FBXL16: variants seen among roughly 807,000 people sequenced by gnomAD.
FBXL16 encodes the protein F-box/LRR-repeat protein 16.
Under a neutral mutation model 36.7 loss-of-function variants are expected in FBXL16, and 7 were observed. The ratio of observed to expected loss-of-function variants is 0.19; its 90% CI spans 0.11 to 0.36. FBXL16 has a LOEUF of 0.36. FBXL16 is among the 10% of genes least tolerant of loss of function. The probability of loss-of-function intolerance (pLI) is 1.00; values close to 1 mark genes in which losing one functional copy is unlikely to be tolerated. For synonymous variants in FBXL16, 355 were observed against 308.7 expected, an observed-to-expected ratio of 1.15 and a Z score of -1.57; for missense variants, 463 against 659.4, an observed-to-expected ratio of 0.70 and a Z score of 3.26.
intron 2 of FBXL16, 173 bp from the exon 3 acceptor site, chr16:696,096 G>A (rs1396547020): frequency 1.4e-5 from 13 of 957,164 alleles, no homozygotes; most frequent in Non-Finnish European, 1.9e-5. Context: ...AGGTGCTGGG[G>A]GCGTTGGCAC....
chr16:698,915 A>G (rs2040035805), intron 1 of FBXL16, among the ~76,000 whole-genome samples: 1 of 125,160 alleles, frequency 8.0e-6, no homozygotes, highest in African/African-American at 3.3e-5. Flanking sequence ...CTTTGTCTCA[A>G]AAAAAAAAAA....
intron 2 of FBXL16, 44 bp downstream of exon 2, chr16:696,729 C>G: frequency 2.7e-6 from 4 of 1,471,062 alleles, no homozygotes; most frequent in Non-Finnish European, 3.6e-6. Context: ...TGCTGCTGCC[C>G]GCCCCTGCCC....
At position 697,432 on chromosome 16, in the gene FBXL16, G is replaced by A. The variant is rs1189981402; in HGVS notation, c.-14-13C>T. On this transcript the variant is annotated splice_polypyrimidine_tract_variant and intron_variant, in intron 1 of 5. Transcript: ENST00000397621. The surrounding 1 kb of genome is among the most constrained non-coding windows in gnomAD (Gnocchi z 4.6). Reference sequence around the variant, plus strand: ...TTCCTGGCACGCTCTGTGGATGAGGGCCGGGAGGGGGAGTGAGTCTGTTGC... The same window carrying A: ...TTCCTGGCACGCTCTGTGGATGAGGACCGGGAGGGGGAGTGAGTCTGTTGC... The A allele has an allele frequency of 3.3e-6, 5 of 1,518,570 alleles. No homozygotes were observed. The highest frequency in any genetic ancestry group is 1.4e-5 in the African/African-American group (1 of 72,610). The allele number at this position is 1,518,570 out of a possible 1,614,324, so 94.1% of individuals were successfully genotyped here.
chr16:704,980 G>A (rs572412637), intron 1 of FBXL16, among the ~76,000 whole-genome samples: 31 of 152,338 alleles, frequency 2.0e-4, no homozygotes, highest in African/African-American at 7.0e-4. Context: ...CCTTGGCCAA[G>A]GCCCGGTCCC....
chr16:695,380 C>T, intron 3 of FBXL16, 35 bp downstream of exon 3: 1 of 1,455,954 alleles, frequency 6.9e-7, no homozygotes. Flanking sequence ...CCCCGCCCGG[C>T]CCAGCCCCGC....
intron 2 of FBXL16, 106 bp downstream of exon 2, chr16:696,667 T>A: frequency 2.2e-6 from 1 of 463,636 alleles, no homozygotes; most frequent in South Asian, 8.2e-5. Flanking sequence ...CTGTAGTCAG[T>A]CCTTCTTTCC....
Position 697,103 on chromosome 16 carries a change from G to A in FBXL16, c.303C>T (p.Ile101=), listed in dbSNP as rs1216135158. 2.5e-6 allele frequency: 4 copies of A among 1,607,956 alleles called. No homozygotes were observed. The East Asian group carries it at 8.9e-5, about 36-fold the overall frequency. ...AGAAATACCAGAAGAGCCCATTGAG[G>A]ATCTTCTCGTCCGTGGCCAGCGGCG... The part of the protein sequence containing the change: ...ERPPLATDEK[I]LNGLFWYFSA... The change falls in exon 2 of 6, where the codon ATC becomes ATT. Residue 101 remains isoleucine (I), a synonymous_variant. Transcript: ENST00000397621. This position sits in a 1 kb window ranked among gnomAD's most constrained non-coding sequence, Gnocchi z 4.6.
chr16:693,840 G>C lies in FBXL16; in HGVS notation c.*435C>G, dbSNP rs559639611. 4 of 153,064 alleles carry C rather than the reference G, an allele frequency of 2.6e-5. No homozygotes were observed. Among genetic ancestry groups the C allele is most frequent in the African/African-American group, 7.2e-5 (3 of 41,412 alleles). The allele number at this position is 153,064 out of a possible 1,614,324, so 9.5% of individuals were successfully genotyped here. The stretch of plus-strand genomic sequence containing the variant: ...AATCCCACTGGGCCCTGCCCGGGAT[G>C]GGGGGGACAGTGGGAAGACAGAGCG... On this transcript the variant is annotated 3_prime_UTR_variant, in exon 6 of 6. Transcript: ENST00000397621.
Position 697,770 on chromosome 16 carries a change from G to T in FBXL16, c.-14-351C>A, listed in dbSNP as rs2040025844. 6.6e-6 allele frequency among the ~76,000 whole-genome samples: 1 copy of T among 152,224 alleles called. No individual in the cohort carries two copies. Among genetic ancestry groups the T allele is most frequent in the African/African-American group, 2.4e-5 (1 of 41,550 alleles). ...AATCCCAGCACTTTGGGAGGCCGAG[G>T]CGGGTGGATCATGAGGTCAGGAGAT... is the stretch of plus-strand genomic sequence containing the variant. On this transcript the variant is annotated intron_variant, in intron 1 of 5. Coordinates refer to ENST00000397621, the MANE Select transcript of FBXL16 (RefSeq NM_153350.4). This position sits in a 1 kb window ranked among gnomAD's most constrained non-coding sequence, Gnocchi z 4.6.
Position 693,937 on chromosome 16 carries a change from C to A in FBXL16, c.*338G>T. 6.1e-6 allele frequency: 1 copy of A among 164,048 alleles called. No homozygotes were observed. The highest frequency in any genetic ancestry group is 1.3e-5 in the Non-Finnish European group (1 of 77,298). The allele number at this position is 164,048 out of a possible 1,614,324, so 10.2% of individuals were successfully genotyped here. A position where few individuals can be genotyped will look rare whatever the true frequency, so the allele number is the denominator to read the frequency against. ...CCCCCCCAAGGACCGAGCCCCGCCC[C>A]CCAAGCGGGAGGGCGAGCGAGTGAT... On this transcript the variant is annotated 3_prime_UTR_variant, in exon 6 of 6. Coordinates refer to ENST00000397621, the MANE Select transcript of FBXL16 (RefSeq NM_153350.4).
At chr16:695,189 C>T (rs2040000911) in intron 3 of FBXL16, 113 bp from the exon 4 acceptor site, 1 of 1,239,702 alleles carries the variant, frequency 8.1e-7, no homozygotes, top group African/African-American at 1.5e-5. Flanking sequence ...CCGGAGCAGC[C>T]GCTGGCCCCT....
intron 1 of FBXL16, among the ~76,000 whole-genome samples, chr16:698,828 C>T (rs1298140954): frequency 6.9e-6 from 1 of 145,740 alleles, no homozygotes; most frequent in Non-Finnish European, 1.5e-5. Context: ...GCAGGAGAAT[C>T]ACTTGAATCC....
intron 1 of FBXL16, among the ~76,000 whole-genome samples, chr16:701,231 G>T (rs1050180239): frequency 6.6e-6 from 1 of 152,170 alleles, no homozygotes; most frequent in Non-Finnish European, 1.5e-5. Context: ...GCGGCCGTCT[G>T]GGTATGGGTC....
intron 5 of FBXL16, 89 bp from the exon 6 acceptor site, chr16:694,512 G>A: frequency 6.7e-7 from 1 of 1,497,130 alleles, no homozygotes; most frequent in Non-Finnish European, 9.0e-7. Flanking sequence ...CCTCCGCCTC[G>A]GACCCGGGAC....
At chr16:695,354 G>A (rs1000827165) in intron 3 of FBXL16, 61 bp downstream of exon 3, 17 of 1,120,636 alleles carry the variant, frequency 1.5e-5, no homozygotes, top group Admixed American at 5.2e-5. Context: ...GCCCCGCCCC[G>A]CCCCGCCCCG....
In FBXL16 at chr16:697,503, T is replaced by C; in HGVS notation, c.-14-84A>G. 6.9e-7 allele frequency: 1 copy of C among 1,443,830 alleles called. No homozygotes were observed. Among genetic ancestry groups the C allele is most frequent in the East Asian group, 2.5e-5 (1 of 39,248 alleles). 89.4% of individuals were successfully genotyped at this position (1,443,830 alleles called of 1,614,324 possible). ...TGGGGGCGGGTGCAGTGGGGCTCCT[T>C]CCCTCCTTGGGCGTCCCTATGGTGC... On this transcript the variant is annotated intron_variant, in intron 1 of 5. Coordinates refer to ENST00000397621, the MANE Select transcript of FBXL16 (RefSeq NM_153350.4). The surrounding 1 kb of genome is among the most constrained non-coding windows in gnomAD (Gnocchi z 4.6).
chr16:694,552 C>A (rs1307429944), intron 5 of FBXL16, 82 bp downstream of exon 5: 5 of 1,527,282 alleles, frequency 3.3e-6, no homozygotes, highest in Middle Eastern at 3.5e-4. Flanking sequence ...TGAGTTTGCA[C>A]AAGGACCGGG....
In FBXL16 at chr16:695,658, C is replaced by A; in HGVS notation, c.899G>T (p.Arg300Leu). ...ARQGHSTHTLRLLSCWEITNH... is the reference protein window; with the variant it reads ...ARQGHSTHTLLLLSCWEITNH... ...GGTGATCTCCCAGCAGGAGAGCAGG[C>A]GCAGCGTGTGCGTGCTGTGGCCCTG... Residue 300 changes from arginine (R) to leucine (L), a missense_variant, in exon 3 of 6, where the codon CGC (arginine) becomes CTC (leucine). Physicochemically the swap from Arg to Leu is moderately radical, Grantham distance 102 (BLOSUM62 -2). Coordinates refer to ENST00000397621, the MANE Select transcript of FBXL16 (RefSeq NM_153350.4). The A allele has an allele frequency of 1.2e-6, 2 of 1,606,254 alleles. No homozygotes were observed. Among genetic ancestry groups the A allele is most frequent in the East Asian group, 2.2e-5 (1 of 44,790 alleles).
intron 3 of FBXL16, 71 bp from the exon 4 acceptor site, chr16:695,147 G>C (rs2040000578): frequency 2.0e-6 from 3 of 1,484,870 alleles, no homozygotes; most frequent in Non-Finnish European, 2.8e-6. Context: ...CTTCCTGGGA[G>C]TGCCCCTGGC....
Sources: allele counts gnomAD v4.1 joint callset (sites outside exome capture counted in the v4.1 genomes callset), GRCh38; gene constraint gnomAD v4.1.1; non-coding constraint Gnocchi (gnomAD v3.1); transcripts MANE v1.5; gene names NCBI Gene and HGNC (gene_info 2026-07-23, HGNC 2026-07-21).